Variants in TENM3 observed in about 807,000 individuals in gnomAD.
The protein encoded by TENM3 is teneurin transmembrane protein 3, also known as teneurin-3.
TENM3 carries 63 observed loss-of-function variants against 255.1 expected under a neutral mutation model. That is an observed-to-expected ratio of 0.25 (90% CI 0.20 to 0.30). The LOEUF is 0.30. Ranked by LOEUF, TENM3 falls within the 10% of genes least tolerant of loss-of-function variation. The pLI, the probability that TENM3 is intolerant of heterozygous loss-of-function variation, is 1.00. For missense variants in TENM3, 2,929 were observed against 3,461.1 expected (o/e 0.85, Z 3.86); for synonymous variants, 1,306 against 1,322.3 (o/e 0.99, Z 0.27).
chr4:182,315,959 A>G (rs1762727540), intron 1 of TENM3, among the ~76,000 whole-genome samples: 1 of 152,090 alleles, frequency 6.6e-6, no homozygotes, highest in African/African-American at 2.4e-5. Flanking sequence ...TATATATGCC[A>G]TGTCTCTAAT....
chr4:181,863,527 G>C, the TENM3 span, among the ~76,000 whole-genome samples: 2 of 152,134 alleles, frequency 1.3e-5, no homozygotes, highest in Admixed American at 1.3e-4. Flanking sequence ...CATGATACCT[G>C]AATAAGAAGG....
intron 1 of TENM3, among the ~76,000 whole-genome samples, chr4:182,216,383 T>G (rs2149928054): frequency 6.6e-6 from 1 of 152,392 alleles, no homozygotes; most frequent in East Asian, 1.9e-4. Context: ...CACATGGTCT[T>G]GCCTACCTGC....
intron 1 of TENM3, among the ~76,000 whole-genome samples, chr4:182,146,715 T>C (rs1352330133): frequency 2.6e-5 from 4 of 152,306 alleles, no homozygotes; most frequent in African/African-American, 9.6e-5. Flanking sequence ...ATCACCATGC[T>C]AACGTTTATA....
At chr4:182,498,153 A>G (rs1202496356) in intron 3 of TENM3, among the ~76,000 whole-genome samples, 1 of 152,154 alleles carries the variant, frequency 6.6e-6, no homozygotes, top group Non-Finnish European at 1.5e-5. Flanking sequence ...ATAGTTAAAA[A>G]AGAGTTGACG....
chr4:181,699,458 A>AG, the TENM3 span, among the ~76,000 whole-genome samples: 1 of 146,206 alleles, frequency 6.8e-6, no homozygotes, highest in Non-Finnish European at 1.5e-5. Flanking sequence ...AAAAAAAAAA[A>AG]AAAAAAAAAA....
the TENM3 span, among the ~76,000 whole-genome samples, chr4:182,100,450 T>A: frequency 0.67 from 77,531 of 116,412 alleles, 23,776 homozygotes; most frequent in Middle Eastern, 0.71. Flanking sequence ...AAAAAAAAAA[T>A]ATATATATAT....
chr4:182,528,359 C>T (rs1222160259), intron 3 of TENM3, among the ~76,000 whole-genome samples: 1 of 152,216 alleles, frequency 6.6e-6, no homozygotes, highest in Non-Finnish European at 1.5e-5. Flanking sequence ...CTTAAAATCA[C>T]ATTCTCTGTG....
At chr4:182,005,078 T>C in the TENM3 span, among the ~76,000 whole-genome samples, 1 of 152,338 alleles carries the variant, frequency 6.6e-6, no homozygotes, top group South Asian at 2.1e-4. Flanking sequence ...TTTAATTAAA[T>C]CCCATTTGCT....
intron 3 of TENM3, among the ~76,000 whole-genome samples, chr4:182,390,775 C>T (rs1768372179): frequency 1.3e-5 from 2 of 152,172 alleles, no homozygotes; most frequent in Admixed American, 6.5e-5. Flanking sequence ...CCACAAGGCT[C>T]TTATTGATCC....
At chr4:182,557,213 T>C (rs558393287) in intron 3 of TENM3, among the ~76,000 whole-genome samples, 22 of 152,316 alleles carry the variant, frequency 1.4e-4, no homozygotes, top group African/African-American at 5.3e-4. Context: ...ACCAATCCTG[T>C]TCATAGGGTC....
chr4:181,940,144 A>T, the TENM3 span, among the ~76,000 whole-genome samples: 1 of 152,248 alleles, frequency 6.6e-6, no homozygotes, highest in Non-Finnish European at 1.5e-5. Flanking sequence ...GCTCAATGAA[A>T]ATATAGCATC....
At chr4:181,509,824 A>G in the TENM3 span, among the ~76,000 whole-genome samples, 12 of 152,244 alleles carry the variant, frequency 7.9e-5, no homozygotes, top group African/African-American at 2.9e-4. Context: ...GAGTGCCCAG[A>G]GTGAATCCAT....
intron 3 of TENM3, among the ~76,000 whole-genome samples, chr4:182,386,992 T>G (rs1248748034): frequency 6.6e-6 from 1 of 152,194 alleles, no homozygotes; most frequent in Non-Finnish European, 1.5e-5. Context: ...CGGGATCCAC[T>G]GGGTGAAGCC....
chr4:181,608,769 A>G, the TENM3 span, among the ~76,000 whole-genome samples: 1 of 152,150 alleles, frequency 6.6e-6, no homozygotes, highest in East Asian at 1.9e-4. Flanking sequence ...TTTTAATTTT[A>G]AAGTGCTGAC....
the TENM3 span, among the ~76,000 whole-genome samples, chr4:182,054,959 G>A: frequency 2.6e-5 from 4 of 152,138 alleles, no homozygotes; most frequent in African/African-American, 9.7e-5. Flanking sequence ...GGTAGGAGAA[G>A]TTTATCTGCG....
the TENM3 span, among the ~76,000 whole-genome samples, chr4:181,633,220 C>G: frequency 6.6e-6 from 1 of 152,146 alleles, no homozygotes; most frequent in Non-Finnish European, 1.5e-5. Flanking sequence ...ACAGGAAATG[C>G]TGTTGATTTG....
intron 4 of TENM3, among the ~76,000 whole-genome samples, chr4:182,627,304 C>G (rs1193980547): frequency 6.6e-6 from 1 of 152,116 alleles, no homozygotes; most frequent in East Asian, 1.9e-4. Flanking sequence ...TCATTTTATA[C>G]ATTAAGAAAC....
the TENM3 span, among the ~76,000 whole-genome samples, chr4:182,008,294 C>T: frequency 2.9e-3 from 442 of 152,154 alleles, 2 homozygotes; most frequent in African/African-American, 9.9e-3. Context: ...GCTAGGCTGG[C>T]GAAGTTCTCC....
In TENM3 at chr4:182,754,515, A is replaced by G. The variant is rs1435268338; in HGVS notation, c.4148A>G (p.His1383Arg). 2 of 1,613,958 alleles carry G rather than the reference A, an allele frequency of 1.2e-6. No individual in the cohort carries two copies. Among genetic ancestry groups the G allele is most frequent in the East Asian group, 2.2e-5 (1 of 44,884 alleles). Residue 1383 changes from histidine (H) to arginine (R), a missense_variant, in exon 22 of 28, where the codon CAC (histidine) becomes CGC (arginine). Transcript: ENST00000511685. The surrounding 1 kb of genome is among the most constrained non-coding windows in gnomAD (Gnocchi z 5.1). ...QVRIAAGRPM[H>R]CQVPGVEYPV... ...CGCATTGCTGCTGGACGGCCCATGC[A>G]CTGTCAGGTTCCCGGAGTGGAATAT...
Sources: gnomAD v4.1 joint callset for allele counts (sites outside exome capture counted in the v4.1 genomes callset) on GRCh38, gnomAD v4.1.1 for gene constraint, Gnocchi (gnomAD v3.1) non-coding constraint, MANE v1.5 for transcripts, NCBI Gene and HGNC (gene_info 2026-07-23, HGNC 2026-07-21) for gene names.